The following PIK3CB variants were observed in gnomAD, a reference collection of about 807,000 sequenced individuals.
PIK3CB encodes the protein phosphatidylinositol-4,5-bisphosphate 3-kinase catalytic subunit beta, also known as phosphatidylinositol 4,5-bisphosphate 3-kinase catalytic subunit beta isoform.
PIK3CB carries 39 observed loss-of-function variants against 136.8 expected under a neutral mutation model. The ratio of observed to expected loss-of-function variants is 0.29; its 90% CI spans 0.22 to 0.37. The LOEUF is 0.37. Among genes scored for constraint, PIK3CB ranks in the 10% least tolerant of loss-of-function variants. The pLI is 1.00. For synonymous variants in PIK3CB, 428 were observed against 436.6 expected, an observed-to-expected ratio of 0.98 and a Z score of 0.25; for missense variants, 868 against 1,275.4, an observed-to-expected ratio of 0.68 and a Z score of 4.87.
At chr3:138,815,073 G>C (rs1425037818) in intron 1 of PIK3CB, among the ~76,000 whole-genome samples, 1 of 143,238 alleles carries the variant, frequency 7.0e-6, no homozygotes, top group Non-Finnish European at 1.5e-5. Context: ...CTAGGAGGCG[G>C]AGCTTGCAGT....
At chr3:138,692,032 T>A (rs1449449940) in intron 14 of PIK3CB, among the ~76,000 whole-genome samples, 1 of 152,208 alleles carries the variant, frequency 6.6e-6, no homozygotes, top group Non-Finnish European at 1.5e-5. Flanking sequence ...TGGGAATTGA[T>A]CATTGAAATA....
chr3:138,667,347 T>G (rs749736781), intron 19 of PIK3CB, among the ~76,000 whole-genome samples: 2 of 151,710 alleles, frequency 1.3e-5, no homozygotes, highest in Admixed American at 6.6e-5. Flanking sequence ...CTGTTGGCCA[T>G]GTAAGGACTT....
At chr3:138,802,581 G>A (rs1432844588) in intron 1 of PIK3CB, among the ~76,000 whole-genome samples, 1 of 151,674 alleles carries the variant, frequency 6.6e-6, no homozygotes, top group Non-Finnish European at 1.5e-5. Flanking sequence ...AGGGCAAATA[G>A]TATTGTTACT....
At chr3:138,724,668 A>G (rs545913191) in intron 8 of PIK3CB, among the ~76,000 whole-genome samples, 5 of 152,300 alleles carry the variant, frequency 3.3e-5, no homozygotes, top group African/African-American at 1.2e-4. Flanking sequence ...AGACACTTCT[A>G]TCATTACCCA....
intron 2 of PIK3CB, among the ~76,000 whole-genome samples, chr3:138,781,401 C>T (rs2045921628): frequency 6.6e-6 from 1 of 151,918 alleles, no homozygotes; most frequent in South Asian, 2.1e-4. Flanking sequence ...GCGGCTTGAG[C>T]CCAGGAGTTT....
intron 11 of PIK3CB, 144 bp downstream of exon 11, chr3:138,707,015 C>A: frequency 1.5e-6 from 1 of 678,430 alleles, no homozygotes; most frequent in Non-Finnish European, 2.6e-6. Context: ...GTTAAGAAGG[C>A]TCCCTGATCC....
intron 1 of PIK3CB, among the ~76,000 whole-genome samples, chr3:138,805,375 A>C (rs2046221510): frequency 2.0e-5 from 3 of 150,860 alleles, no homozygotes; most frequent in Admixed American, 1.3e-4. Flanking sequence ...GTATTTATTA[A>C]AAACAGAATT....
intron 5 of PIK3CB, among the ~76,000 whole-genome samples, chr3:138,741,348 G>A (rs2045239766): frequency 6.6e-6 from 1 of 152,186 alleles, no homozygotes; most frequent in Non-Finnish European, 1.5e-5. Flanking sequence ...TAAGATGGGG[G>A]AAAGACAACA....
chr3:138,814,928 G>A (rs922151155), intron 1 of PIK3CB, among the ~76,000 whole-genome samples: 14 of 151,924 alleles, frequency 9.2e-5, no homozygotes, highest in African/African-American at 3.4e-4. Flanking sequence ...ATGAGGTCAA[G>A]AGATCGAGAC....
At chr3:138,680,318 A>G (rs1022916701) in intron 19 of PIK3CB, among the ~76,000 whole-genome samples, 2 of 151,946 alleles carry the variant, frequency 1.3e-5, no homozygotes, top group African/African-American at 4.8e-5. Flanking sequence ...AGATCGCACC[A>G]CTGCACTCCA....
At chr3:138,811,015 T>G (rs1933019180) in intron 1 of PIK3CB, among the ~76,000 whole-genome samples, 1 of 151,742 alleles carries the variant, frequency 6.6e-6, no homozygotes, top group Non-Finnish European at 1.5e-5. Context: ...GATCACAAGG[T>G]CAGGCGTTTG....
chr3:138,805,513 T>C (rs1423877009), intron 1 of PIK3CB, among the ~76,000 whole-genome samples: 1 of 144,844 alleles, frequency 6.9e-6, no homozygotes, highest in Non-Finnish European at 1.5e-5. Context: ...CCAATAAAAA[T>C]ACAAAAAAAT....
intron 8 of PIK3CB, among the ~76,000 whole-genome samples, chr3:138,715,645 TATACAC>T (rs1239209244): frequency 2.0e-5 from 3 of 152,070 alleles, no homozygotes; most frequent in Non-Finnish European, 2.9e-5. Flanking sequence ...TACCCAAGAA[TATACAC>T]ATACTTCATC....
intron 6 of PIK3CB, among the ~76,000 whole-genome samples, chr3:138,737,394 C>CAAAAAAA (rs11344311): frequency 1.5e-4 from 6 of 39,066 alleles, no homozygotes; most frequent in African/African-American, 2.1e-4. Context: ...CACTCTGTCT[C>CAAAAAAA]AAAAAAAAAA....
chr3:138,672,396 A>C (rs1349861249), intron 19 of PIK3CB, among the ~76,000 whole-genome samples: 5 of 152,322 alleles, frequency 3.3e-5, no homozygotes, highest in African/African-American at 1.2e-4. Context: ...AAACTGGCTG[A>C]TTGTGTGTAC....
chr3:138,772,267 G>T (rs2045808730), intron 2 of PIK3CB, among the ~76,000 whole-genome samples: 1 of 152,054 alleles, frequency 6.6e-6, no homozygotes, highest in Non-Finnish European at 1.5e-5. Context: ...AGGGTGGAAG[G>T]AAAGACACTC....
chr3:138,790,444 C>T (rs1357684983), intron 2 of PIK3CB, among the ~76,000 whole-genome samples: 3 of 149,536 alleles, frequency 2.0e-5, no homozygotes, highest in Non-Finnish European at 4.4e-5. Flanking sequence ...AAAACCCTGT[C>T]CTCATTAAAA....
chr3:138,819,218 G>A (rs1183783966), intron 1 of PIK3CB, among the ~76,000 whole-genome samples: 3 of 152,102 alleles, frequency 2.0e-5, no homozygotes, highest in African/African-American at 4.8e-5. Context: ...GTGGTGGCAC[G>A]TGCCTGTAGT....
At chr3:138,775,333 A>C (rs780496491) in intron 2 of PIK3CB, among the ~76,000 whole-genome samples, 25 of 152,246 alleles carry the variant, frequency 1.6e-4, no homozygotes, top group Non-Finnish European at 2.9e-4. Context: ...ATTCTGTTTA[A>C]GATACCATAT....
Sources: gnomAD v4.1 joint callset for allele counts (sites outside exome capture counted in the v4.1 genomes callset) on GRCh38, gnomAD v4.1.1 for gene constraint, MANE v1.5 for transcripts, NCBI Gene and HGNC (gene_info 2026-07-23, HGNC 2026-07-21) for gene names.